The following FAM120A variants were observed in gnomAD, a reference collection of about 807,000 sequenced individuals.
The protein encoded by FAM120A is constitutive coactivator of PPAR-gamma-like protein 1.
In FAM120A, 15 loss-of-function variants were observed where a neutral mutation model predicts 109.7. The ratio of observed to expected loss-of-function variants is 0.14; its 90% CI spans 0.09 to 0.21. The LOEUF is 0.21. Among genes scored for constraint, FAM120A ranks in the 10% least tolerant of loss-of-function variants. FAM120A has a pLI of 1.00. For missense variants in FAM120A, 899 were observed against 1,439.3 expected, an observed-to-expected ratio of 0.62 and a Z score of 6.07; for synonymous variants, 493 against 572.8, an observed-to-expected ratio of 0.86 and a Z score of 1.99.
chr9:93,452,969 C>G lies in FAM120A; in HGVS notation c.474+580C>G. ...TGGCCTCTACTTCAGAACGCAGTGC[C>G]CTGTCCGTGTTCCTCTTAGTACAGG... On this transcript the variant is annotated intron_variant, in intron 1 of 17. Coordinates refer to ENST00000277165, the MANE Select transcript of FAM120A (RefSeq NM_014612.5). This position sits in a 1 kb window ranked among gnomAD's most constrained non-coding sequence, Gnocchi z 7.0. 2 of 1,365,000 alleles carry G rather than the reference C, an allele frequency of 1.5e-6. No individual in the cohort carries two copies. Among genetic ancestry groups the G allele is most frequent in the Non-Finnish European group, 1.9e-6 (2 of 1,062,220 alleles). 84.6% of individuals were successfully genotyped at this position (1,365,000 alleles called of 1,614,324 possible). A position where few individuals can be genotyped will look rare whatever the true frequency, so the allele number is the denominator to read the frequency against.
At chr9:93,483,701 G>A (rs1588821175) in intron 3 of FAM120A, among the ~76,000 whole-genome samples, 1 of 152,052 alleles carries the variant, frequency 6.6e-6, no homozygotes, top group Non-Finnish European at 1.5e-5. Context: ...CTTGCTAGTG[G>A]TGCTCATCAT....
In FAM120A at chr9:93,558,651, G is replaced by A. The variant is rs143854081; in HGVS notation, c.2739G>A (p.Ala913=). Residue 913 remains alanine, a synonymous_variant, in exon 15 of 18, where the codon GCG becomes GCA. Coordinates refer to ENST00000277165, the MANE Select transcript of FAM120A (RefSeq NM_014612.5). The part of the protein sequence containing the change: ...ATGPYRAFRV[A]AASGHCGAFS... ...GCCCTTACCGTGCCTTCCGTGTGGC[G>A]GCAGCATCGGGACACTGCGGAGCCT... is the stretch of plus-strand genomic sequence containing the variant. The A allele has an allele frequency of 2.1e-4, 338 of 1,614,142 alleles. No homozygotes were observed. Among genetic ancestry groups the A allele is most frequent in the Non-Finnish European group, 2.6e-4 (303 of 1,180,020 alleles).
At chr9:93,549,211 A>C (rs759447877) in intron 11 of FAM120A, among the ~76,000 whole-genome samples, 1 of 152,226 alleles carries the variant, frequency 6.6e-6, no homozygotes, top group Non-Finnish European at 1.5e-5. Flanking sequence ...TATCTCATCA[A>C]ATATAAATAC....
chr9:93,466,205 C>T (rs764860715), intron 1 of FAM120A, among the ~76,000 whole-genome samples: 2 of 152,064 alleles, frequency 1.3e-5, no homozygotes, highest in African/African-American at 2.4e-5. Context: ...TTAAACTCTA[C>T]CTACTGGGGG....
intron 16 of FAM120A, among the ~76,000 whole-genome samples, chr9:93,561,777 TTATTAAATAA>T (rs1862477241): frequency 6.6e-6 from 1 of 151,870 alleles, no homozygotes; most frequent in Non-Finnish European, 1.5e-5. Flanking sequence ...TAATTAACAA[TTATTAAATAA>T]TTAACCATAC....
intron 1 of FAM120A, among the ~76,000 whole-genome samples, chr9:93,464,922 C>T (rs1055053798): frequency 1.3e-5 from 2 of 152,202 alleles, no homozygotes; most frequent in African/African-American, 4.8e-5. Context: ...TAACCCACTT[C>T]TGAAATTAAC....
chr9:93,481,643 C>T (rs1174747781), intron 3 of FAM120A, among the ~76,000 whole-genome samples: 1 of 152,196 alleles, frequency 6.6e-6, no homozygotes, highest in Non-Finnish European at 1.5e-5. Context: ...GCCCTTCGAG[C>T]TCCTTTTGCC....
chr9:93,457,494 T>G (rs1003525829), intron 1 of FAM120A, among the ~76,000 whole-genome samples: 3 of 152,162 alleles, frequency 2.0e-5, no homozygotes, highest in Admixed American at 2.0e-4. Flanking sequence ...CTCTAAGTCT[T>G]TTCAGTCCCT....
In FAM120A at chr9:93,557,990, G is replaced by A; in HGVS notation, c.2648G>A (p.Gly883Asp). ...RHFGPVPPSQ[G>D]RGRGFAGVCG... Reference sequence around the variant, plus strand: ...TTTGGGCCTGTCCCACCCTCTCAGGGCAGGGGCAGAGGCTTTGCAGGTGAG... The same window carrying A: ...TTTGGGCCTGTCCCACCCTCTCAGGACAGGGGCAGAGGCTTTGCAGGTGAG... The change falls in exon 14 of 18, where the codon GGC becomes GAC. Residue 883 changes from glycine to aspartate, a missense_variant. Gly to Asp is a moderately conservative substitution (Grantham distance 94). Transcript: ENST00000277165. 2 of 1,599,034 alleles carry A rather than the reference G, an allele frequency of 1.3e-6. No homozygotes were observed. Among genetic ancestry groups the A allele is most frequent in the South Asian group, 1.1e-5 (1 of 90,532 alleles).
At chr9:93,526,679 C>T (rs952140642) in intron 7 of FAM120A, among the ~76,000 whole-genome samples, 4 of 152,214 alleles carry the variant, frequency 2.6e-5, no homozygotes, top group Non-Finnish European at 5.9e-5. Context: ...AGCTCTAATG[C>T]CCCCTCCACA....
chr9:93,485,021 T>C (rs1358447044), intron 3 of FAM120A, among the ~76,000 whole-genome samples: 4 of 152,228 alleles, frequency 2.6e-5, no homozygotes, highest in Non-Finnish European at 4.4e-5. Flanking sequence ...AACCAGGCTT[T>C]CTCCATCACT....
Position 93,561,241 on chromosome 9 carries a change from C to T in FAM120A, c.2939C>T (p.Pro980Leu). Reference sequence around the variant, plus strand: ...CTGCAGGTGGTTTCTGTCGGAGGACCAGCTAGAGGGTAAGTTCTGAGCCAC... The same window carrying T: ...CTGCAGGTGGTTTCTGTCGGAGGACTAGCTAGAGGGTAAGTTCTGAGCCAC... ...FPLQVVSVGG[P>L]ARGRPRGVIS... The change falls in exon 16 of 18, where the codon CCA becomes CTA. Residue 980 changes from proline to leucine, a missense_variant. This residue lies in a region of FAM120A where 170 missense variants were observed against 205.0 expected (regional missense o/e 0.83). Transcript: ENST00000277165. The T allele has an allele frequency of 6.2e-7, 1 of 1,612,222 alleles. No individual in the cohort carries two copies. The highest frequency in any genetic ancestry group is 8.5e-7 in the Non-Finnish European group (1 of 1,179,342).
At chr9:93,460,283 A>C (rs1011673945) in intron 1 of FAM120A, among the ~76,000 whole-genome samples, 1 of 152,242 alleles carries the variant, frequency 6.6e-6, no homozygotes, top group African/African-American at 2.4e-5. Context: ...AATGAATCAC[A>C]GTTCAGATAA....
intron 7 of FAM120A, among the ~76,000 whole-genome samples, chr9:93,519,967 C>A (rs760275901): frequency 6.6e-6 from 1 of 152,096 alleles, no homozygotes; most frequent in Non-Finnish European, 1.5e-5. Context: ...CCTCAAACTC[C>A]TGGGCTCAGG....
chr9:93,491,624 G>T (rs1859324986), intron 3 of FAM120A, among the ~76,000 whole-genome samples: 1 of 152,082 alleles, frequency 6.6e-6, no homozygotes, highest in South Asian at 2.1e-4. Flanking sequence ...GTCTTTTCCA[G>T]CCCTAAATTA....
chr9:93,495,889 A>G (rs1258845329), intron 3 of FAM120A, among the ~76,000 whole-genome samples: 2 of 152,246 alleles, frequency 1.3e-5, no homozygotes, highest in African/African-American at 4.8e-5. Flanking sequence ...GTTTTATGAA[A>G]TTGGAGTTAA....
intron 1 of FAM120A, among the ~76,000 whole-genome samples, chr9:93,462,468 G>A (rs1857836894): frequency 6.6e-6 from 1 of 152,180 alleles, no homozygotes; most frequent in Admixed American, 6.5e-5. Context: ...TTTTAGTAGA[G>A]ACAGGGTTTC....
At chr9:93,457,191 G>A (rs1857586474) in intron 1 of FAM120A, among the ~76,000 whole-genome samples, 2 of 152,116 alleles carry the variant, frequency 1.3e-5, no homozygotes. Flanking sequence ...AATGAATAAT[G>A]CTTCTATGAG....
intron 1 of FAM120A, among the ~76,000 whole-genome samples, chr9:93,463,322 T>C (rs1857876624): frequency 6.6e-6 from 1 of 152,216 alleles, no homozygotes. Flanking sequence ...TTTTAAGAAA[T>C]GTTTTTCCTT....
Sources: allele counts gnomAD v4.1 joint callset (sites outside exome capture counted in the v4.1 genomes callset), GRCh38; gene constraint gnomAD v4.1.1; regional missense constraint gnomAD v4.1.1; non-coding constraint Gnocchi (gnomAD v3.1); transcripts MANE v1.5; gene names NCBI Gene and HGNC (gene_info 2026-07-23, HGNC 2026-07-21).